The following CLEC10A variants were observed in gnomAD, a reference collection of about 807,000 sequenced individuals.
CLEC10A encodes C-type lectin domain containing 10A, also known as C-type lectin domain family 10 member A.
In CLEC10A, 38 loss-of-function variants were observed where a neutral mutation model predicts 42.0. That is an observed-to-expected ratio of 0.90 (90% CI 0.70 to 1.18). CLEC10A has a LOEUF of 1.18. Among genes scored for constraint, CLEC10A ranks in the 50% most tolerant of loss-of-function variants. CLEC10A has a pLI of 0.00. For missense variants in CLEC10A, 298 were observed against 345.9 expected, an observed-to-expected ratio of 0.86 and a Z score of 1.10; for synonymous variants, 126 against 139.9, an observed-to-expected ratio of 0.90 and a Z score of 0.70.
chr17:7,074,970 C>T lies in CLEC10A; in HGVS notation c.*84G>A. 1 of 1,155,760 alleles carries T rather than the reference C, an allele frequency of 8.7e-7. No individual in the cohort carries two copies. Among genetic ancestry groups the T allele is most frequent in the Non-Finnish European group, 1.2e-6 (1 of 853,914 alleles). 71.6% of individuals were successfully genotyped at this position (1,155,760 alleles called of 1,614,324 possible). A position where few individuals can be genotyped will look rare whatever the true frequency, so the allele number is the denominator to read the frequency against. On this transcript the variant is annotated 3_prime_UTR_variant, in exon 9 of 9. Coordinates refer to ENST00000416562, the MANE Select transcript of CLEC10A (RefSeq NM_001330070.2). The stretch of plus-strand genomic sequence containing the variant: ...CAATCTCCCAGTGCTTATTTCTCTC[C>T]CAGAGCGGTCTTGCGAGGAGGTCGT...
chr17:7,075,449 A>C lies in CLEC10A; in HGVS notation c.612T>G (p.Tyr204Ter), dbSNP rs1439269209. 6.5e-7 allele frequency: 1 copy of C among 1,530,866 alleles called. No homozygotes were observed. Among genetic ancestry groups the C allele is most frequent in the East Asian group, 2.3e-5 (1 of 44,306 alleles). 94.8% of individuals were successfully genotyped at this position (1,530,866 alleles called of 1,614,324 possible). A position where few individuals can be genotyped will look rare whatever the true frequency, so the allele number is the denominator to read the frequency against. ...SREEQNFVQK[Y>*]LGSAYTWMGL... ...CCATCCAGGTGTATGCGGAGCCTAG[A>C]TATTTCTGGACAAAATTCTGCGGTG... The change falls in exon 8 of 9, where the codon TAT becomes TAG. Residue 204 changes from tyrosine (Y) to a stop codon, truncating the protein, a stop_gained. Transcript: ENST00000416562. LOFTEE classifies it high-confidence loss of function.
At chr17:7,077,926 A>G (rs1244744279) in intron 3 of CLEC10A, 71 bp downstream of exon 3, 39 of 1,196,078 alleles carry the variant, frequency 3.3e-5, no homozygotes, top group Non-Finnish European at 4.6e-5. Context: ...CCACTGCCCT[A>G]CTGTAGCACC....
At position 7,078,802 on chromosome 17, in the gene CLEC10A, G is replaced by C; in HGVS notation, c.11C>G (p.Thr4Arg). The change falls in exon 2 of 9, where the codon ACG (threonine) becomes AGG (arginine). Residue 4 changes from threonine to arginine, a missense_variant. By Grantham distance (71) the Thr-to-Arg change is moderately conservative. Transcript: ENST00000416562. ...CTCCAAGTACTGGAAGTTTTCATACGTCCTTGTCATGCTTGGGCCAACACG... is the reference window on the plus strand; with the variant it reads ...CTCCAAGTACTGGAAGTTTTCATACCTCCTTGTCATGCTTGGGCCAACACG... MTR[T>R]YENFQYLENK... 1 of 1,613,986 alleles carries C rather than the reference G, an allele frequency of 6.2e-7. No individual in the cohort carries two copies. The highest frequency in any genetic ancestry group is 8.5e-7 in the Non-Finnish European group (1 of 1,180,000).
At chr17:7,079,747 C>T (rs765230216) in intron 1 of CLEC10A, among the ~76,000 whole-genome samples, 20 of 151,812 alleles carry the variant, frequency 1.3e-4, no homozygotes, top group Non-Finnish European at 2.8e-4. Context: ...TCGTTCTTGT[C>T]GCCCAGGCTG....
At position 7,076,666 on chromosome 17, in the gene CLEC10A, G is replaced by A. The variant is rs947236113; in HGVS notation, c.352+67C>T. 4 of 1,548,542 alleles carry A rather than the reference G, an allele frequency of 2.6e-6. No individual in the cohort carries two copies. In the South Asian group the frequency reaches 4.5e-5, roughly 17 times the overall value. On this transcript the variant is annotated intron_variant, in intron 5 of 8. Transcript: ENST00000416562. ...AGGGGAGGGCAGTTCAGCACCAGGAGTCTGTTCCCACCTCCACTGTGTCTG... is the reference window on the plus strand; with the variant it reads ...AGGGGAGGGCAGTTCAGCACCAGGAATCTGTTCCCACCTCCACTGTGTCTG...
At chr17:7,078,262 C>A in intron 2 of CLEC10A, 149 bp from the exon 3 acceptor site, 1 of 604,894 alleles carries the variant, frequency 1.7e-6, no homozygotes. Context: ...GTGGGGGATG[C>A]CCAGGCCTTT....
At chr17:7,078,160 G>T in intron 2 of CLEC10A, 47 bp from the exon 3 acceptor site, 1 of 1,430,142 alleles carries the variant, frequency 7.0e-7, no homozygotes, top group Non-Finnish European at 9.8e-7. Context: ...AGACACCGGA[G>T]ACGGGAGAAG....
In CLEC10A at chr17:7,075,478, G is replaced by T; in HGVS notation, c.595-12C>A. On this transcript the variant is annotated splice_polypyrimidine_tract_variant and intron_variant, in intron 7 of 8. Coordinates refer to ENST00000416562, the MANE Select transcript of CLEC10A (RefSeq NM_001330070.2). Reference sequence around the variant, plus strand: ...TTCTGGACAAAATTCTGCGGTGACAGAAGGGCAGTGGTGACTTCTTCCCAT... The same window carrying T: ...TTCTGGACAAAATTCTGCGGTGACATAAGGGCAGTGGTGACTTCTTCCCAT... 2 of 1,530,522 alleles carry T rather than the reference G, an allele frequency of 1.3e-6. No individual in the cohort carries two copies. The highest frequency in any genetic ancestry group is 1.8e-6 in the Non-Finnish European group (2 of 1,139,902). 94.8% of individuals were successfully genotyped at this position (1,530,522 alleles called of 1,614,324 possible).
chr17:7,074,588 T>C lies in CLEC10A; in HGVS notation c.*466A>G, dbSNP rs2151682338. On this transcript the variant is annotated 3_prime_UTR_variant, in exon 9 of 9. Transcript: ENST00000416562. ...CTTATATGAAGTATATACACGAGAG[T>C]GTATGATTTCACTTATATGAAGTTC... The C allele has an allele frequency of 6.6e-6, 1 of 152,406 alleles. No homozygotes were observed. Among genetic ancestry groups the C allele is most frequent in the African/African-American group, 2.4e-5 (1 of 41,336 alleles). The allele number at this position is 152,406 out of a possible 1,614,324, so 9.4% of individuals were successfully genotyped here. A position where few individuals can be genotyped will look rare whatever the true frequency, so the allele number is the denominator to read the frequency against.
intron 8 of CLEC10A, 43 bp downstream of exon 8, chr17:7,075,317 C>A (rs377248841): frequency 6.6e-7 from 1 of 1,504,842 alleles, no homozygotes; most frequent in Non-Finnish European, 8.9e-7. Context: ...CTGGGGGAAA[C>A]GCTGACGGAG....
chr17:7,077,917 C>T (rs1310951584), intron 3 of CLEC10A, 80 bp downstream of exon 3: 1 of 1,098,628 alleles, frequency 9.1e-7, no homozygotes, highest in African/African-American at 1.6e-5. Context: ...ATCGCCCCAC[C>T]ACTGCCCTAC....
chr17:7,075,954 T>TA, intron 6 of CLEC10A, 31 bp downstream of exon 6: 1 of 1,613,208 alleles, frequency 6.2e-7, no homozygotes, highest in Non-Finnish European at 8.5e-7. Flanking sequence ...GGCAGAAAAG[T>TA]AGGGCCAGGT....
At chr17:7,075,911 T>C in intron 6 of CLEC10A, 26 bp from the exon 7 acceptor site, 2 of 1,609,796 alleles carry the variant, frequency 1.2e-6, no homozygotes, top group Non-Finnish European at 1.7e-6. Context: ...TAGGATAGGG[T>C]GGAGAGGCTG....
At chr17:7,077,432 A>G (rs553750403) in intron 3 of CLEC10A, among the ~76,000 whole-genome samples, 125 of 98,144 alleles carry the variant, frequency 1.3e-3, no homozygotes, top group Admixed American at 1.7e-3. Flanking sequence ...TCCCATCACC[A>G]TTCCCATCGA....
chr17:7,076,763 C>T lies in CLEC10A; in HGVS notation c.322G>A (p.Val108Met), dbSNP rs1285711733. The T allele has an allele frequency of 1.2e-6, 2 of 1,613,606 alleles. No homozygotes were observed. Among genetic ancestry groups the T allele is most frequent in the African/African-American group, 1.3e-5 (1 of 74,766 alleles). The change falls in exon 5 of 9, where the codon GTG (valine) becomes ATG (methionine). Residue 108 changes from valine (V) to methionine (M), a missense_variant. Coordinates refer to ENST00000416562, the MANE Select transcript of CLEC10A (RefSeq NM_001330070.2). ...EETIASLKAE[V>M]EGFKQERQAV... ...TGCCGTTCCTGCTTGAAACCCTCCA[C>T]CTCAGCTTTCAGAGATGCTATCGTT...
chr17:7,078,566 C>A, intron 2 of CLEC10A, 180 bp downstream of exon 2: 1 of 638,338 alleles, frequency 1.6e-6, no homozygotes. Context: ...GTGATCCTCC[C>A]TGTCCCAGTC....
At chr17:7,077,065 G>A (rs1275431470) in intron 3 of CLEC10A, 78 bp from the exon 4 acceptor site, 1 of 1,029,786 alleles carries the variant, frequency 9.7e-7, no homozygotes, top group Non-Finnish European at 1.5e-6. Context: ...CCCTCCATAA[G>A]CATTGCCTTA....
chr17:7,077,532 C>CA (rs1326251056), intron 3 of CLEC10A, among the ~76,000 whole-genome samples: 1 of 92,454 alleles, frequency 1.1e-5, no homozygotes, highest in Admixed American at 1.1e-4. Context: ...TCAGTGACCC[C>CA]CCACCGTTCC....
chr17:7,077,962 T>C (rs942071045), intron 3 of CLEC10A, 35 bp downstream of exon 3: 4 of 1,502,460 alleles, frequency 2.7e-6, no homozygotes, highest in Non-Finnish European at 3.7e-6. Flanking sequence ...TACCCCATTA[T>C]TTCTCTCTTC....
Sources: allele counts gnomAD v4.1 joint callset (sites outside exome capture counted in the v4.1 genomes callset), GRCh38; gene constraint gnomAD v4.1.1; transcripts MANE v1.5; gene names NCBI Gene and HGNC (gene_info 2026-07-23, HGNC 2026-07-21).